The following UPP2 variants were observed in gnomAD, a reference collection of about 807,000 sequenced individuals.
UPP2 encodes uridine phosphorylase 2.
Under a neutral mutation model 26.7 loss-of-function variants are expected in UPP2, and 23 were observed. The observed-to-expected ratio is 0.86, with a 90% CI of 0.62 to 1.22. The LOEUF is 1.22. UPP2 is among the 50% of genes most tolerant of loss of function. The probability of loss-of-function intolerance (pLI) is 0.00; values close to 1 mark genes in which losing one functional copy is unlikely to be tolerated. For missense variants in UPP2, 387 were observed against 396.7 expected (o/e 0.98, Z 0.21); for synonymous variants, 127 against 141.3 (o/e 0.90, Z 0.72).
intron 3 of UPP2, among the ~76,000 whole-genome samples, chr2:158,037,390 A>G (rs776628020): frequency 6.6e-6 from 1 of 152,146 alleles, no homozygotes; most frequent in East Asian, 1.9e-4. Flanking sequence ...AAGAAAAAAG[A>G]AAAAAATCCT....
In UPP2 at chr2:158,123,886, G is replaced by C; in HGVS notation, c.802G>C (p.Gly268Arg). 1.2e-6 allele frequency: 2 copies of C among 1,612,942 alleles called. No individual in the cohort carries two copies. The highest frequency in any genetic ancestry group is 1.1e-5 in the South Asian group (1 of 90,932). The change falls in exon 6 of 7, where the codon GGT (glycine) becomes CGT (arginine). Residue 268 changes from glycine to arginine, a missense_variant. Transcript: ENST00000005756. Reference sequence around the variant, plus strand: ...GTTTGCAGCTATGTGTGGACTCTGTGGTCTAAAAGGTAAGCTTTTCGTGAA... The same window carrying C: ...GTTTGCAGCTATGTGTGGACTCTGTCGTCTAAAAGGTAAGCTTTTCGTGAA... The part of the protein sequence containing the change: ...TVFAAMCGLC[G>R]LKAAVVCVTL...
At chr2:158,051,241 C>T (rs1233734613) in intron 3 of UPP2, among the ~76,000 whole-genome samples, 13 of 151,084 alleles carry the variant, frequency 8.6e-5, no homozygotes, top group Middle Eastern at 3.4e-3. Context: ...CGCAGTCTGT[C>T]AAACTTCCTT....
At chr2:158,104,331 T>A (rs1347461858) in intron 1 of UPP2, among the ~76,000 whole-genome samples, 1 of 152,094 alleles carries the variant, frequency 6.6e-6, no homozygotes, top group African/African-American at 2.4e-5. Context: ...AAAATTGGAA[T>A]TTGATAGGTG....
chr2:158,012,457 G>A (rs1192452254), intron 2 of UPP2, among the ~76,000 whole-genome samples: 2 of 151,582 alleles, frequency 1.3e-5, no homozygotes, highest in South Asian at 2.1e-4. Context: ...TAGTAGAGAC[G>A]GGTTTTCACC....
intron 3 of UPP2, among the ~76,000 whole-genome samples, chr2:158,017,835 G>A (rs1574247472): frequency 2.0e-5 from 3 of 152,172 alleles, no homozygotes; most frequent in Admixed American, 2.0e-4. Flanking sequence ...TCAAACTCTT[G>A]TACATTTTTC....
chr2:158,104,926 G>C (rs1683149332), intron 1 of UPP2, among the ~76,000 whole-genome samples: 1 of 32,470 alleles, frequency 3.1e-5, no homozygotes, highest in South Asian at 2.0e-3. Flanking sequence ...GAAAGGGAAG[G>C]GAAGGGAAGG....
intron 1 of UPP2, among the ~76,000 whole-genome samples, chr2:158,104,214 C>T (rs559074775): frequency 5.3e-5 from 8 of 152,204 alleles, no homozygotes; most frequent in African/African-American, 1.9e-4. Flanking sequence ...TAGCATGAAA[C>T]AAATGCTTTG....
At position 158,080,193 on chromosome 2, in the gene UPP2, T is replaced by A. The variant is rs553514095; in HGVS notation, c.148-21847T>A. On this transcript the variant is annotated intron_variant, in intron 3 of 9. Coordinates refer to the UPP2 transcript ENST00000605860. ...AATGGTATTAAAATAACAATAATTTTATCTTTTATTATGTGCTTACAAACC... is the reference window on the plus strand; with the variant it reads ...AATGGTATTAAAATAACAATAATTTAATCTTTTATTATGTGCTTACAAACC... Among the ~76,000 whole-genome samples, 4 of 152,334 alleles carry A rather than the reference T, an allele frequency of 2.6e-5. No homozygotes were observed. In the South Asian group the frequency reaches 8.3e-4, roughly 32 times the overall value.
At chr2:158,097,701 T>C (rs1683010029), upstream of UPP2, among the ~76,000 whole-genome samples, 2 of 152,260 alleles carry the variant, frequency 1.3e-5, no homozygotes, top group South Asian at 2.1e-4. Flanking sequence ...AAGGTATCTG[T>C]GCAAACATTC....
At chr2:158,105,292 T>C (rs78368054) in intron 1 of UPP2, among the ~76,000 whole-genome samples, 2,597 of 152,252 alleles carry the variant, frequency 0.017, 80 homozygotes, top group African/African-American at 0.059. Context: ...TTCGTGGTAT[T>C]TCACAAAGAA....
chr2:158,092,018 TG>T (rs919423702), intron 3 of UPP2, among the ~76,000 whole-genome samples: 4 of 151,786 alleles, frequency 2.6e-5, no homozygotes, highest in African/African-American at 9.7e-5. Flanking sequence ...AGGTTAAGAG[TG>T]GTCAAGCACA....
intron 3 of UPP2, among the ~76,000 whole-genome samples, chr2:158,059,039 C>A (rs115441522): frequency 0.012 from 1,841 of 152,218 alleles, 47 homozygotes; most frequent in African/African-American, 0.042. Flanking sequence ...CTGAGGAGGT[C>A]AAAGCGAAGG....
At chr2:158,016,487 C>A (rs945003472) in intron 3 of UPP2, among the ~76,000 whole-genome samples, 5 of 152,032 alleles carry the variant, frequency 3.3e-5, no homozygotes, top group African/African-American at 1.2e-4. Context: ...ATTATAGACA[C>A]CCGCCACCAA....
At chr2:158,029,361 C>T (rs934420222) in intron 3 of UPP2, among the ~76,000 whole-genome samples, 2 of 152,190 alleles carry the variant, frequency 1.3e-5, no homozygotes, top group Non-Finnish European at 2.9e-5. Flanking sequence ...GTCAAATTTT[C>T]AGTATCTTAC....
chr2:158,023,276 C>G (rs551638050), intron 3 of UPP2, among the ~76,000 whole-genome samples: 1 of 150,248 alleles, frequency 6.7e-6, no homozygotes, highest in Non-Finnish European at 1.5e-5. Flanking sequence ...TGCTTTACCC[C>G]CAATGTAGAG....
chr2:158,019,639 AAC>A (rs57149695), intron 3 of UPP2, among the ~76,000 whole-genome samples: 10,989 of 141,002 alleles, frequency 0.078, 474 homozygotes, highest in South Asian at 0.14. Context: ...AATCCTTTAA[AAC>A]ACACACACAC....
chr2:158,134,296 A>T (rs1401595678), intron 6 of UPP2, among the ~76,000 whole-genome samples: 1 of 152,220 alleles, frequency 6.6e-6, no homozygotes, highest in Non-Finnish European at 1.5e-5. Context: ...AAGGGCTGCA[A>T]TGCAGCAGGC....
chr2:158,093,355 A>G (rs1242472118), intron 3 of UPP2, among the ~76,000 whole-genome samples: 1 of 152,086 alleles, frequency 6.6e-6, no homozygotes, highest in East Asian at 1.9e-4. Context: ...CAGGAATCAC[A>G]GTATTTGTAA....
At chr2:158,008,949 A>G (rs890153708) in intron 2 of UPP2, among the ~76,000 whole-genome samples, 33 of 152,216 alleles carry the variant, frequency 2.2e-4, no homozygotes, top group African/African-American at 7.5e-4. Flanking sequence ...TTCCTTAGAA[A>G]GTTACCTAAG....
Sources: gnomAD v4.1 joint callset for allele counts (sites outside exome capture counted in the v4.1 genomes callset) on GRCh38, gnomAD v4.1.1 for gene constraint, MANE v1.5 for transcripts, NCBI Gene and HGNC (gene_info 2026-07-23, HGNC 2026-07-21) for gene names.